BRINP1: variants seen among roughly 807,000 people sequenced by gnomAD.
The protein encoded by BRINP1 is BMP/retinoic acid inducible neural specific 1, also known as BMP/retinoic acid-inducible neural-specific protein 1.
BRINP1 carries 17 observed loss-of-function variants against 72.9 expected under a neutral mutation model. That is an observed-to-expected ratio of 0.23 (90% CI 0.16 to 0.35). The LOEUF (loss-of-function observed/expected upper bound fraction) is 0.35. Ranked by LOEUF, BRINP1 falls within the 10% of genes least tolerant of loss-of-function variation. The pLI is 1.00. For synonymous variants in BRINP1, 418 were observed against 378.5 expected (o/e 1.10, Z -1.21); for missense variants, 850 against 1,001.6 (o/e 0.85, Z 2.04).
chr9:119,204,540 CAG>C (rs1480719358), intron 7 of BRINP1, among the ~76,000 whole-genome samples: 1 of 152,088 alleles, frequency 6.6e-6, no homozygotes, highest in Non-Finnish European at 1.5e-5. Context: ...GGAATGGTAA[CAG>C]TATCGCTTCA....
chr9:119,348,623 G>T (rs975802067), intron 1 of BRINP1, among the ~76,000 whole-genome samples: 3 of 152,092 alleles, frequency 2.0e-5, no homozygotes, highest in Non-Finnish European at 4.4e-5. Context: ...TCTCGATTTG[G>T]GAAACTTTTA....
At chr9:119,330,810 G>A (rs1046760358) in intron 1 of BRINP1, among the ~76,000 whole-genome samples, 4 of 151,918 alleles carry the variant, frequency 2.6e-5, no homozygotes, top group African/African-American at 9.7e-5. Context: ...GGGGGATCAC[G>A]ACTTCAGGAG....
intron 2 of BRINP1, among the ~76,000 whole-genome samples, chr9:119,286,328 G>A (rs184415168): frequency 9.9e-5 from 15 of 152,070 alleles, no homozygotes; most frequent in Non-Finnish European, 1.9e-4. Flanking sequence ...TACCTCCTGG[G>A]TTCACGCCAT....
rs141608999 is a variant in BRINP1, at chr9:119,258,618, A to G, written c.219-9468T>C. Among the ~76,000 whole-genome samples the G allele has an allele frequency of 3.6e-3, 543 of 152,292 alleles. 1 individual carries two copies. The highest frequency in any genetic ancestry group is 0.012 in the African/African-American group (507 of 41,554). On this transcript the variant is annotated intron_variant, in intron 2 of 7. Coordinates refer to ENST00000265922, the MANE Select transcript of BRINP1 (RefSeq NM_014618.3). ...TTCACAGATGAGAAAACTGAGGCCCATAGAGAGAGAGGGACTTGCTAAGGC... is the reference window on the plus strand; with the variant it reads ...TTCACAGATGAGAAAACTGAGGCCCGTAGAGAGAGAGGGACTTGCTAAGGC...
Position 119,313,311 on chromosome 9 carries a change from C to T in BRINP1, c.45G>A (p.Trp15Ter). 6.2e-7 allele frequency: 1 copy of T among 1,613,990 alleles called. No individual in the cohort carries two copies. Among genetic ancestry groups the T allele is most frequent in the African/African-American group, 1.3e-5 (1 of 75,004 alleles). ...GGGAGGGCTGCACTGAGATACGGCCCCATATAAACAGGAAGTAGAGGAGCT... is the reference window on the plus strand; with the variant it reads ...GGGAGGGCTGCACTGAGATACGGCCTCATATAAACAGGAAGTAGAGGAGCT... ...FVELLYFLFI[W>*]GRISVQPSHQ... Residue 15 changes from tryptophan to a stop codon, truncating the protein, a stop_gained, in exon 2 of 8, where the codon TGG becomes TGA. Coordinates refer to ENST00000265922, the MANE Select transcript of BRINP1 (RefSeq NM_014618.3). LOFTEE classifies it high-confidence loss of function.
intron 7 of BRINP1, among the ~76,000 whole-genome samples, chr9:119,197,952 G>A (rs1042945846): frequency 1.3e-5 from 2 of 152,110 alleles, no homozygotes; most frequent in African/African-American, 2.4e-5. Context: ...AATGACTATC[G>A]ATTTAAATAA....
At chr9:119,231,024 T>C (rs1352324059) in intron 5 of BRINP1, among the ~76,000 whole-genome samples, 1 of 152,086 alleles carries the variant, frequency 6.6e-6, no homozygotes, top group Non-Finnish European at 1.5e-5. Context: ...TGACATTGAA[T>C]CTACAAATCT....
intron 5 of BRINP1, among the ~76,000 whole-genome samples, chr9:119,214,589 A>T (rs1388985793): frequency 2.5e-5 from 2 of 81,222 alleles, no homozygotes; most frequent in East Asian, 1.6e-3. Flanking sequence ...TGTAGAGATA[A>T]AAAAAAAAAA....
intron 1 of BRINP1, among the ~76,000 whole-genome samples, chr9:119,320,594 G>C (rs1315067587): frequency 6.6e-6 from 1 of 152,142 alleles, no homozygotes; most frequent in African/African-American, 2.4e-5. Context: ...TGCTTTCTAT[G>C]CGAGGGTGCT....
At chr9:119,274,482 T>G (rs1433417558) in intron 2 of BRINP1, among the ~76,000 whole-genome samples, 3 of 152,226 alleles carry the variant, frequency 2.0e-5, no homozygotes, top group Non-Finnish European at 4.4e-5. Flanking sequence ...CTTCTGCCAA[T>G]GAATCTGAAT....
At position 119,217,352 on chromosome 9, in the gene BRINP1, G is replaced by C. The variant is rs76758739; in HGVS notation, c.686-3197C>G. Among the ~76,000 whole-genome samples, 1,430 of 151,864 alleles carry C rather than the reference G, an allele frequency of 9.4e-3. 23 individuals carry two copies. The highest frequency in any genetic ancestry group is 0.032 in the African/African-American group (1,306 of 41,424). ...ACAGACACACACACACACACACGGA[G>C]AGAAAGAGAGAGAGAGAAAAGAAAA... On this transcript the variant is annotated intron_variant, in intron 5 of 7. Coordinates refer to ENST00000265922, the MANE Select transcript of BRINP1 (RefSeq NM_014618.3).
At chr9:119,244,987 T>C (rs1830298985) in intron 3 of BRINP1, among the ~76,000 whole-genome samples, 1 of 152,162 alleles carries the variant, frequency 6.6e-6, no homozygotes, top group African/African-American at 2.4e-5. Context: ...AGATGAGGTG[T>C]CTGGACTTTA....
At chr9:119,232,385 C>T (rs1486162003) in intron 5 of BRINP1, among the ~76,000 whole-genome samples, 2 of 152,144 alleles carry the variant, frequency 1.3e-5, no homozygotes, top group African/African-American at 4.8e-5. Context: ...CTGTAGTTAT[C>T]TATTTAAAAT....
chr9:119,168,538 G>C (rs755094715), intron 7 of BRINP1, among the ~76,000 whole-genome samples: 2 of 121,910 alleles, frequency 1.6e-5, no homozygotes, highest in Non-Finnish European at 3.8e-5. Context: ...ACTAGTCCCA[G>C]AAAAGTGTGA....
chr9:119,232,641 A>G (rs571705652), intron 5 of BRINP1, among the ~76,000 whole-genome samples: 1 of 152,310 alleles, frequency 6.6e-6, no homozygotes, highest in African/African-American at 2.4e-5. Context: ...CTTTAAAAAC[A>G]TACCTGACCA....
intron 2 of BRINP1, among the ~76,000 whole-genome samples, chr9:119,263,214 C>T (rs867864397): frequency 3.9e-5 from 6 of 152,132 alleles, no homozygotes; most frequent in African/African-American, 1.2e-4. Context: ...AATACAGAAA[C>T]GAGAGATTAG....
chr9:119,308,666 T>C (rs1224469816), intron 2 of BRINP1, among the ~76,000 whole-genome samples: 1 of 152,164 alleles, frequency 6.6e-6, no homozygotes, highest in Admixed American at 6.5e-5. Flanking sequence ...TATACAACTC[T>C]GAAATAAATA....
chr9:119,276,674 T>C (rs1217836899), intron 2 of BRINP1, among the ~76,000 whole-genome samples: 2 of 152,282 alleles, frequency 1.3e-5, no homozygotes, highest in East Asian at 3.9e-4. Context: ...ACTATACTGG[T>C]GCATGTTTTC....
At chr9:119,177,112 A>G (rs191525097) in intron 7 of BRINP1, among the ~76,000 whole-genome samples, 2 of 152,304 alleles carry the variant, frequency 1.3e-5, no homozygotes, top group African/African-American at 2.4e-5. Context: ...GAGTGAATCA[A>G]TGTTTGATGA....
Sources: allele counts gnomAD v4.1 joint callset (sites outside exome capture counted in the v4.1 genomes callset), GRCh38; gene constraint gnomAD v4.1.1; transcripts MANE v1.5; gene names NCBI Gene and HGNC (gene_info 2026-07-23, HGNC 2026-07-21).